The following SHC2 variants were observed in gnomAD, a reference collection of about 807,000 sequenced individuals.
SHC2 encodes SHC adaptor protein 2.
SHC2 carries 62 observed loss-of-function variants against 60.6 expected under a neutral mutation model. The observed-to-expected ratio is 1.02, with a 90% CI of 0.83 to 1.26. The LOEUF is 1.26. SHC2 is among the 50% of genes most tolerant of loss of function. The pLI is 0.00. For synonymous variants in SHC2, 375 were observed against 372.4 expected (o/e 1.01, Z -0.08); for missense variants, 873 against 822.2 (o/e 1.06, Z -0.76).
rs1975531962 is a variant in SHC2, at chr19:460,790, C to T, written c.207G>A (p.Pro69=). The T allele has an allele frequency of 3.1e-6, 3 of 979,198 alleles. No homozygotes were observed. The African/African-American group carries it at 5.3e-5, about 17-fold the overall frequency. 60.7% of individuals were successfully genotyped at this position (979,198 alleles called of 1,614,324 possible). ...CGGCCGCCAGCGCCGGGACGCCCCC[C>T]GGGCCCGCCGGCTCGGGTTGGGGGT... ...GADPQPEPAG[P]GGVPALAAAV... is the part of the protein sequence containing the mutation. Residue 69 remains proline, a synonymous_variant, in exon 1 of 13, where the codon CCG becomes CCA. Coordinates refer to ENST00000264554, the MANE Select transcript of SHC2 (RefSeq NM_012435.3).
At chr19:437,200 TTGCTCGTTTGCGTGGTCATCTGCG>T (rs1485298662) in intron 4 of SHC2, among the ~76,000 whole-genome samples, 2 of 151,488 alleles carry the variant, frequency 1.3e-5, no homozygotes, top group South Asian at 2.1e-4. Context: ...GCTCATCTAC[TTGCTCGTTTGCGTGGTCATCTGCG>T]TGCTCGTTTG....
chr19:458,231 CGGAGGGGGAAGTGGGTTCCGGG>C (rs1975415112), intron 1 of SHC2, among the ~76,000 whole-genome samples: 1 of 26,178 alleles, frequency 3.8e-5, no homozygotes, highest in Non-Finnish European at 1.2e-4. Context: ...CGGGTTCCGG[CGGAGGGGGAAGTGGGTTCCGGG>C]GAGGCGGAAG....
rs929824334 is a variant in SHC2 at position 440,087 on chromosome 19, G to A, written c.539+775C>T. On this transcript the variant is annotated intron_variant, in intron 2 of 12. Coordinates refer to ENST00000264554, the MANE Select transcript of SHC2 (RefSeq NM_012435.3). This position sits in a 1 kb window ranked among gnomAD's most constrained non-coding sequence, Gnocchi z 7.0. The stretch of plus-strand genomic sequence containing the variant: ...AGGCCACAGCGCGGACACACCTCGG[G>A]AACGCCATGCTCAGTGAGAGACGCC... Among the ~76,000 whole-genome samples, 9 of 117,708 alleles carry A rather than the reference G, an allele frequency of 7.6e-5. No homozygotes were observed. Among genetic ancestry groups the A allele is most frequent in the Non-Finnish European group, 1.1e-4 (7 of 64,860 alleles). 77.2% of individuals were successfully genotyped at this position (117,708 alleles called of 152,430 possible).
intron 7 of SHC2, chr19:435,784 C>T (rs979732570): frequency 4.4e-5 from 9 of 204,160 alleles, no homozygotes; most frequent in Non-Finnish European, 7.0e-5. Context: ...CTATAAAAAA[C>T]GTGTTACCAG....
At chr19:457,446 T>C (rs1485781410) in intron 1 of SHC2, among the ~76,000 whole-genome samples, 2 of 138,396 alleles carry the variant, frequency 1.4e-5, no homozygotes, top group Non-Finnish European at 3.1e-5. Flanking sequence ...CAAGGTCGCC[T>C]CCTGGGAGGG....
Position 441,175 on chromosome 19 carries a change from G to A in SHC2, c.469-243C>T. 1 of 984,876 alleles carries A rather than the reference G, an allele frequency of 1.0e-6. No individual in the cohort carries two copies. The highest frequency in any genetic ancestry group is 1.7e-5 in the African/African-American group (1 of 57,198). The allele number at this position is 984,876 out of a possible 1,614,324, so 61.0% of individuals were successfully genotyped here. ...GTTGCTGTTTCTCAGGAGCCTGGTG[G>A]TTCCCCCAGACGCTCTATGCTGCTT... On this transcript the variant is annotated intron_variant, in intron 1 of 12. Transcript: ENST00000264554. The surrounding 1 kb of genome is among the most constrained non-coding windows in gnomAD (Gnocchi z 4.9).
At position 434,138 on chromosome 19, in the gene SHC2, T is replaced by C. The variant is rs112777949; in HGVS notation, c.1110+571A>G. On this transcript the variant is annotated intron_variant, in intron 8 of 12. Transcript: ENST00000264554. ...TGAGAGTTAGAGGAGGCCGGGCAGA[T>C]GGCGCTTCATCGTGAGTGAGATAGT... 2.7e-5 allele frequency among the ~76,000 whole-genome samples: 4 copies of C among 145,646 alleles called. No individual in the cohort carries two copies. The East Asian group carries it at 8.4e-4, about 31-fold the overall frequency.
At chr19:448,130 C>T (rs1482831255) in intron 1 of SHC2, among the ~76,000 whole-genome samples, 2 of 152,220 alleles carry the variant, frequency 1.3e-5, no homozygotes, top group Non-Finnish European at 2.9e-5. Context: ...ACCCGAGTCC[C>T]AATTCCACGA....
At chr19:439,146 G>T (rs1178799233) in intron 2 of SHC2, 116 bp from the exon 3 acceptor site, 1 of 371,978 alleles carries the variant, frequency 2.7e-6, no homozygotes, top group African/African-American at 2.2e-5. Context: ...CTCAGAGAAG[G>T]GCGAGAGAGA....
chr19:419,208 A>T, intron 11 of SHC2, 152 bp from the exon 12 acceptor site: 1 of 903,564 alleles, frequency 1.1e-6, no homozygotes, highest in Non-Finnish European at 1.6e-6. Flanking sequence ...CAGCCAAAGG[A>T]TCGGCCTCAG....
Position 441,989 on chromosome 19 carries a change from T to C in SHC2, c.469-1057A>G, listed in dbSNP as rs1471058779. On this transcript the variant is annotated intron_variant, in intron 1 of 12. Coordinates refer to ENST00000264554, the MANE Select transcript of SHC2 (RefSeq NM_012435.3). This position sits in a 1 kb window ranked among gnomAD's most constrained non-coding sequence, Gnocchi z 4.9. ...GCCCCTCTCCACGGCTCCATGTACCTGGAGCAGGGAGAGCAAGGAGCAGAG... is the reference window on the plus strand; with the variant it reads ...GCCCCTCTCCACGGCTCCATGTACCCGGAGCAGGGAGAGCAAGGAGCAGAG... 2.0e-5 allele frequency among the ~76,000 whole-genome samples: 3 copies of C among 152,300 alleles called. No individual in the cohort carries two copies. Among genetic ancestry groups the C allele is most frequent in the Non-Finnish European group, 4.4e-5 (3 of 68,022 alleles).
chr19:435,326 T>C (rs902501395), intron 7 of SHC2, among the ~76,000 whole-genome samples: 1 of 152,200 alleles, frequency 6.6e-6, no homozygotes, highest in Non-Finnish European at 1.5e-5. Flanking sequence ...GCACCCCACC[T>C]GGCCCACAGT....
intron 11 of SHC2, among the ~76,000 whole-genome samples, chr19:421,397 C>CAAAAAAAAAA (rs10582067): frequency 1.2e-4 from 14 of 120,038 alleles, no homozygotes; most frequent in South Asian, 2.6e-4. Context: ...GAGACTCCAT[C>CAAAAAAAAAA]AAAAAAAAAA....
chr19:434,411 TGAGA>T (rs1437346173), intron 8 of SHC2, among the ~76,000 whole-genome samples: 3 of 2,094 alleles, frequency 1.4e-3, no homozygotes, highest in African/African-American at 7.7e-3. Flanking sequence ...AGTCTGTGAG[TGAGA>T]TAGTGAGTGA....
chr19:457,272 AC>A (rs1323699058), intron 1 of SHC2, among the ~76,000 whole-genome samples: 6 of 125,100 alleles, frequency 4.8e-5, no homozygotes, highest in Non-Finnish European at 8.1e-5. Flanking sequence ...CTGTCTGCAA[AC>A]CCCACCACAT....
intron 1 of SHC2, among the ~76,000 whole-genome samples, chr19:457,253 A>C (rs113789903): frequency 0.036 from 2,089 of 58,682 alleles, no homozygotes; most frequent in Middle Eastern, 0.12. Context: ...CTGTGCCCCG[A>C]CTAGAACTCT....
At chr19:421,624 G>A (rs941503678) in intron 11 of SHC2, among the ~76,000 whole-genome samples, 7 of 151,656 alleles carry the variant, frequency 4.6e-5, no homozygotes, top group African/African-American at 1.5e-4. Flanking sequence ...CATGATAAAT[G>A]GGGGGGGAGA....
Position 434,720 on chromosome 19 carries a change from C to A in SHC2, c.1099G>T (p.Ala367Ser), listed in dbSNP as rs1314224025. Residue 367 changes from alanine (A) to serine (S), a missense_variant, in exon 8 of 13, where the codon GCC (alanine) becomes TCC (serine). Ala to Ser is a moderately conservative substitution (Grantham distance 99, BLOSUM62 1). Transcript: ENST00000264554. ...LALTQPCALT[A>S]LDQGPSPSLR... Reference sequence around the variant, plus strand: ...GGGCAGAGGCTGACCTGGTCGAGGGCCGTGAGGGCGCAGGGCTGTGTCAGG... The same window carrying A: ...GGGCAGAGGCTGACCTGGTCGAGGGACGTGAGGGCGCAGGGCTGTGTCAGG... The A allele has an allele frequency of 6.2e-7, 1 of 1,610,368 alleles. No individual in the cohort carries two copies. The highest frequency in any genetic ancestry group is 8.5e-7 in the Non-Finnish European group (1 of 1,179,048).
intron 1 of SHC2, among the ~76,000 whole-genome samples, chr19:459,020 C>G (rs1975467853): frequency 6.6e-6 from 1 of 152,136 alleles, no homozygotes; most frequent in African/African-American, 2.4e-5. Context: ...CGGCCCGCTC[C>G]TCTGTGCATC....
Sources: gnomAD v4.1 joint callset for allele counts (sites outside exome capture counted in the v4.1 genomes callset) on GRCh38, gnomAD v4.1.1 for gene constraint, Gnocchi (gnomAD v3.1) non-coding constraint, MANE v1.5 for transcripts, NCBI Gene and HGNC (gene_info 2026-07-23, HGNC 2026-07-21) for gene names.